ADK: variants seen among roughly 807,000 people sequenced by gnomAD.
The protein encoded by ADK is N6,N6-dimethyladenosine kinase.
A neutral mutation model predicts 44.7 loss-of-function variants in ADK; 24 were observed. The ratio of observed to expected loss-of-function variants is 0.54; its 90% CI spans 0.39 to 0.76. ADK has a LOEUF of 0.76. Among genes scored for constraint, ADK ranks in the 30% least tolerant of loss-of-function variants. The pLI, the probability that ADK is intolerant of heterozygous loss-of-function variation, is 0.00. For synonymous variants in ADK, 128 were observed against 142.6 expected, an observed-to-expected ratio of 0.90 and a Z score of 0.73; for missense variants, 321 against 425.1, an observed-to-expected ratio of 0.76 and a Z score of 2.15.
chr10:74,435,314 T>C (rs1258245547), intron 6 of ADK, among the ~76,000 whole-genome samples: 3 of 152,200 alleles, frequency 2.0e-5, no homozygotes, highest in African/African-American at 7.2e-5. Context: ...ATTATGTAAC[T>C]TGAGCCTCAC....
At chr10:74,634,210 T>A (rs1853539628) in intron 9 of ADK, among the ~76,000 whole-genome samples, 1 of 151,876 alleles carries the variant, frequency 6.6e-6, no homozygotes, top group South Asian at 2.1e-4. Context: ...CATTTTTATT[T>A]ATTTTTTTTT....
chr10:74,682,483 A>G (rs2134237340), intron 10 of ADK, among the ~76,000 whole-genome samples: 1 of 152,266 alleles, frequency 6.6e-6, no homozygotes, highest in African/African-American at 2.4e-5. Flanking sequence ...ACTATCTTAA[A>G]GCAACCTTTG....
At chr10:74,682,618 G>C (rs1164759214) in intron 10 of ADK, among the ~76,000 whole-genome samples, 4 of 144,950 alleles carry the variant, frequency 2.8e-5, no homozygotes, top group Non-Finnish European at 4.5e-5. Flanking sequence ...GTGTCGCCCA[G>C]AATGGACTGC....
rs574148823 is a variant in ADK at position 74,647,735 on chromosome 10, C to A, written c.878-22448C>A. 5.9e-5 allele frequency among the ~76,000 whole-genome samples: 9 copies of A among 152,290 alleles called. No homozygotes were observed. In the South Asian group the frequency reaches 1.9e-3, roughly 32 times the overall value. On this transcript the variant is annotated intron_variant, in intron 9 of 10. Coordinates refer to ENST00000539909, the MANE Select transcript of ADK (RefSeq NM_006721.4). ...ACTTTGTCCTAATGAGTTTCAGTCT[C>A]TGTTTAGGGAGTAATCGATAAACTA...
At chr10:74,547,482 TTA>T (rs1849873807) in intron 7 of ADK, among the ~76,000 whole-genome samples, 3 of 111,176 alleles carry the variant, frequency 2.7e-5, no homozygotes, top group African/African-American at 8.4e-5. Context: ...TTTTATTTTA[TTA>T]TTTTTTTTTT....
chr10:74,464,496 G>A (rs146686829), intron 6 of ADK, among the ~76,000 whole-genome samples: 1 of 152,230 alleles, frequency 6.6e-6, no homozygotes, highest in Non-Finnish European at 1.5e-5. Flanking sequence ...GAAGGTCGAG[G>A]TTGCAGGGAG....
chr10:74,390,845 C>T lies in ADK; in HGVS notation c.274-3296C>T, dbSNP rs921999589. On this transcript the variant is annotated intron_variant, in intron 4 of 10. Transcript: ENST00000539909. ...CTCATGATTTTAGGCAATAATAGTA[C>T]GTAAGTGACACTGTGTATTTCCCAT... Among the ~76,000 whole-genome samples, 7 of 152,270 alleles carry T rather than the reference C, an allele frequency of 4.6e-5. No homozygotes were observed. The South Asian group carries it at 1.0e-3, about 23-fold the overall frequency.
chr10:74,308,041 G>A lies in ADK; in HGVS notation c.195-6626G>A, dbSNP rs926736621. 3.3e-5 allele frequency among the ~76,000 whole-genome samples: 5 copies of A among 152,168 alleles called. No homozygotes were observed. In the East Asian group the frequency reaches 7.7e-4, roughly 23 times the overall value. On this transcript the variant is annotated intron_variant, in intron 3 of 10. Coordinates refer to ENST00000539909, the MANE Select transcript of ADK (RefSeq NM_006721.4). ...TAAATTGGTTTAGTGAAATTTTGTT[G>A]TGTTCTTACAATGGGTAGAAACCTA... is the stretch of plus-strand genomic sequence containing the variant.
chr10:74,278,451 G>C (rs1393153734), intron 3 of ADK, among the ~76,000 whole-genome samples: 1 of 147,686 alleles, frequency 6.8e-6, no homozygotes, highest in Non-Finnish European at 1.5e-5. Flanking sequence ...TTTTTGGCTT[G>C]ATATATTTTG....
chr10:74,657,349 TG>T (rs1268218000), intron 9 of ADK, among the ~76,000 whole-genome samples: 4 of 152,218 alleles, frequency 2.6e-5, no homozygotes, highest in African/African-American at 4.8e-5. Flanking sequence ...GAAAGGTTTT[TG>T]GGAAAGGTTG....
intron 4 of ADK, among the ~76,000 whole-genome samples, chr10:74,330,373 G>T (rs1012314059): frequency 6.6e-6 from 1 of 152,012 alleles, no homozygotes; most frequent in Non-Finnish European, 1.5e-5. Context: ...GATTGCTCCT[G>T]TGAATAGCCA....
intron 7 of ADK, among the ~76,000 whole-genome samples, chr10:74,540,652 G>GT (rs1369460303): frequency 6.6e-6 from 1 of 152,062 alleles, no homozygotes; most frequent in Admixed American, 6.6e-5. Context: ...TAGAGATGGG[G>GT]TTTTGCCATG....
chr10:74,394,002 A>G (rs1286989386), intron 4 of ADK, 139 bp from the exon 5 acceptor site: 1 of 863,332 alleles, frequency 1.2e-6, no homozygotes, highest in African/African-American at 1.7e-5. Flanking sequence ...CGTAAGTGAT[A>G]GCACAGAATT....
chr10:74,272,900 C>T lies in ADK; in HGVS notation c.195-41767C>T, dbSNP rs186280432. Among the ~76,000 whole-genome samples, 749 of 152,300 alleles carry T rather than the reference C, an allele frequency of 4.9e-3. 3 individuals carry two copies. Among genetic ancestry groups the T allele is most frequent in the Middle Eastern group, 0.014 (4 of 294 alleles). On this transcript the variant is annotated intron_variant, in intron 3 of 10. Transcript: ENST00000539909. ...CCCATGGTCTATAGTATACCTCTCA[C>T]AAGGTCCTTATACTGCAGATCCTCT...
intron 1 of ADK, among the ~76,000 whole-genome samples, chr10:74,183,571 C>T (rs1256844610): frequency 6.6e-6 from 1 of 151,454 alleles, no homozygotes; most frequent in African/African-American, 2.4e-5. Context: ...AGTGCAGTGG[C>T]GCCATCTTGG....
chr10:74,339,163 G>A (rs187043675), intron 4 of ADK, among the ~76,000 whole-genome samples: 2,256 of 152,078 alleles, frequency 0.015, 30 homozygotes, highest in Non-Finnish European at 0.024. Context: ...GTCTCACCAT[G>A]TTGCCCAGGC....
chr10:74,234,912 T>C (rs1018958781), intron 3 of ADK, among the ~76,000 whole-genome samples: 2 of 152,174 alleles, frequency 1.3e-5, no homozygotes, highest in African/African-American at 4.8e-5. Context: ...AAATGTAACA[T>C]TTATAAAAAT....
chr10:74,686,839 G>A (rs915945802), intron 10 of ADK, among the ~76,000 whole-genome samples: 14 of 151,830 alleles, frequency 9.2e-5, no homozygotes, highest in South Asian at 2.1e-4. Flanking sequence ...CACCACGCCC[G>A]GCTAATTTTT....
intron 4 of ADK, among the ~76,000 whole-genome samples, chr10:74,371,043 C>T (rs1842641379): frequency 6.6e-6 from 1 of 152,084 alleles, no homozygotes; most frequent in Non-Finnish European, 1.5e-5. Context: ...TTTCAAACAA[C>T]ACATTATGAT....
Sources: gnomAD v4.1 joint callset for allele counts (sites outside exome capture counted in the v4.1 genomes callset) on GRCh38, gnomAD v4.1.1 for gene constraint, MANE v1.5 for transcripts, NCBI Gene and HGNC (gene_info 2026-07-23, HGNC 2026-07-21) for gene names.